ZMAT4: variants seen among roughly 807,000 people sequenced by gnomAD.
ZMAT4 encodes zinc finger matrin-type 4.
In ZMAT4, 17 loss-of-function variants were observed where a neutral mutation model predicts 28.7. The observed-to-expected ratio is 0.59, with a 90% CI of 0.41 to 0.89. The LOEUF (loss-of-function observed/expected upper bound fraction) is 0.89. Ranked by LOEUF, ZMAT4 falls within the 40% of genes least tolerant of loss-of-function variation. The probability of loss-of-function intolerance (pLI) is 0.00; values close to 1 mark genes in which losing one functional copy is unlikely to be tolerated. For missense variants in ZMAT4, 240 were observed against 283.8 expected (o/e 0.85, Z 1.11); for synonymous variants, 117 against 109.2 (o/e 1.07, Z -0.44).
intron 2 of ZMAT4, among the ~76,000 whole-genome samples, chr8:40,770,237 GA>G (rs1187740494): frequency 6.6e-6 from 1 of 152,182 alleles, no homozygotes; most frequent in African/African-American, 2.4e-5. Context: ...GCCTGGACCA[GA>G]TTCACTGCTT....
intron 3 of ZMAT4, among the ~76,000 whole-genome samples, chr8:40,714,767 T>C (rs1241879654): frequency 1.3e-5 from 2 of 152,058 alleles, no homozygotes; most frequent in African/African-American, 2.4e-5. Context: ...GTGTGTGAAA[T>C]AGTCCGGGGG....
At chr8:40,820,479 T>C (rs1185896024) in intron 2 of ZMAT4, among the ~76,000 whole-genome samples, 1 of 151,112 alleles carries the variant, frequency 6.6e-6, no homozygotes, top group African/African-American at 2.4e-5. Flanking sequence ...TGTGTGTTTA[T>C]GTGTATGTGT....
At chr8:40,609,082 C>T (rs1241592131) in intron 5 of ZMAT4, among the ~76,000 whole-genome samples, 1 of 152,154 alleles carries the variant, frequency 6.6e-6, no homozygotes, top group Non-Finnish European at 1.5e-5. Flanking sequence ...TTAGTCCTGC[C>T]TCCTATCTGC....
rs1387361670 is a variant in ZMAT4, at chr8:40,866,660, C to T, written c.-5+31023G>A. ...AGTTGATGAATAATTAAGAGGAGGG[C>T]AACACCTGCAAAATGTGCAACCAAA... On this transcript the variant is annotated intron_variant, in intron 1 of 6. Transcript: ENST00000297737. 2.0e-5 allele frequency among the ~76,000 whole-genome samples: 3 copies of T among 152,116 alleles called. No individual in the cohort carries two copies. The East Asian group carries it at 5.8e-4, about 29-fold the overall frequency.
chr8:40,635,148 G>T (rs1806744619), intron 5 of ZMAT4, among the ~76,000 whole-genome samples: 1 of 152,132 alleles, frequency 6.6e-6, no homozygotes, highest in South Asian at 2.1e-4. Flanking sequence ...TCCAGGTTTT[G>T]TCTCCCAAAC....
At chr8:40,841,843 C>G (rs1293207948) in intron 1 of ZMAT4, among the ~76,000 whole-genome samples, 1 of 152,162 alleles carries the variant, frequency 6.6e-6, no homozygotes, top group Non-Finnish European at 1.5e-5. Flanking sequence ...GGGTCTTACC[C>G]TGAACATTGT....
At chr8:40,818,382 A>C (rs1815624625) in intron 2 of ZMAT4, among the ~76,000 whole-genome samples, 1 of 152,234 alleles carries the variant, frequency 6.6e-6, no homozygotes, top group Admixed American at 6.5e-5. Context: ...CCACACCACC[A>C]ATCATCCAAA....
At position 40,563,745 on chromosome 8, in the gene ZMAT4, C is replaced by T. The variant is rs148122730; in HGVS notation, c.674+17420G>A. On this transcript the variant is annotated intron_variant, in intron 6 of 6. Transcript: ENST00000297737. ...TCCACCTCCAACTCTCTTTTTAGAC[C>T]CATGAATTTTGTGACAGAGGGTAAA... Among the ~76,000 whole-genome samples, 139 of 152,142 alleles carry T rather than the reference C, an allele frequency of 9.1e-4. 1 individual carries two copies. Among genetic ancestry groups the T allele is most frequent in the African/African-American group, 3.2e-3 (132 of 41,496 alleles).
intron 5 of ZMAT4, among the ~76,000 whole-genome samples, chr8:40,637,196 G>A (rs906167604): frequency 4.6e-5 from 7 of 151,848 alleles, no homozygotes; most frequent in Non-Finnish European, 1.0e-4. Flanking sequence ...AATTGCAAAC[G>A]TTAGAGAAGT....
chr8:40,831,257 G>A (rs1816271039), intron 1 of ZMAT4, among the ~76,000 whole-genome samples: 1 of 152,172 alleles, frequency 6.6e-6, no homozygotes, highest in Non-Finnish European at 1.5e-5. Flanking sequence ...ACCCCGTACT[G>A]CATAAACATT....
chr8:40,630,622 T>A (rs766828160), intron 5 of ZMAT4, among the ~76,000 whole-genome samples: 17 of 152,348 alleles, frequency 1.1e-4, no homozygotes, highest in Non-Finnish European at 1.8e-4. Flanking sequence ...GTATCATATG[T>A]ACACAAACGA....
At chr8:40,542,654 GC>G (rs1428470381) in intron 6 of ZMAT4, among the ~76,000 whole-genome samples, 1 of 152,100 alleles carries the variant, frequency 6.6e-6, no homozygotes, top group African/African-American at 2.4e-5. Context: ...CTCTCAAAGT[GC>G]TGGAATTATA....
chr8:40,806,005 T>A (rs988148264), intron 2 of ZMAT4, among the ~76,000 whole-genome samples: 2 of 151,698 alleles, frequency 1.3e-5, no homozygotes, highest in African/African-American at 4.8e-5. Context: ...TGAGAAAAAA[T>A]AACAATAATC....
chr8:40,713,328 T>C (rs1301246586), intron 3 of ZMAT4, among the ~76,000 whole-genome samples: 4 of 152,134 alleles, frequency 2.6e-5, no homozygotes, highest in Non-Finnish European at 5.9e-5. Context: ...GTTAAACTTT[T>C]TAAGCCTTAC....
At chr8:40,848,815 G>T (rs1816998833) in intron 1 of ZMAT4, among the ~76,000 whole-genome samples, 1 of 152,198 alleles carries the variant, frequency 6.6e-6, no homozygotes, top group African/African-American at 2.4e-5. Context: ...AATTGGGGGT[G>T]GTTGTATAAT....
chr8:40,675,311 G>GC (rs1354386764), intron 4 of ZMAT4, among the ~76,000 whole-genome samples: 1 of 152,064 alleles, frequency 6.6e-6, no homozygotes, highest in Admixed American at 6.6e-5. Context: ...GTTATTGAAG[G>GC]CCTTTCCCAC....
At chr8:40,547,192 G>A (rs766057034) in intron 6 of ZMAT4, among the ~76,000 whole-genome samples, 17 of 152,136 alleles carry the variant, frequency 1.1e-4, no homozygotes, top group Non-Finnish European at 2.1e-4. Context: ...GTCTGTGTGC[G>A]GGCAACCCAG....
intron 2 of ZMAT4, among the ~76,000 whole-genome samples, chr8:40,818,403 A>G (rs957572540): frequency 1.8e-4 from 27 of 152,350 alleles, no homozygotes; most frequent in African/African-American, 6.5e-4. Context: ...AAGATCTTCC[A>G]TATGGAATAA....
chr8:40,612,752 T>C (rs188149874), intron 5 of ZMAT4, among the ~76,000 whole-genome samples: 2 of 136,446 alleles, frequency 1.5e-5, no homozygotes, highest in East Asian at 3.9e-4. Flanking sequence ...ATGTTCCTTA[T>C]ATTTTGTATA....
Sources: allele counts gnomAD v4.1 joint callset (sites outside exome capture counted in the v4.1 genomes callset), GRCh38; gene constraint gnomAD v4.1.1; transcripts MANE v1.5; gene names NCBI Gene and HGNC (gene_info 2026-07-23, HGNC 2026-07-21).